CSMD1: variants seen among roughly 807,000 people sequenced by gnomAD.
CSMD1 encodes the protein CUB and sushi domain-containing protein 1.
CSMD1 carries 213 observed loss-of-function variants against 417.5 expected under a neutral mutation model. The ratio of observed to expected loss-of-function variants is 0.51; its 90% CI spans 0.46 to 0.57. The LOEUF (loss-of-function observed/expected upper bound fraction) is 0.57. Among genes scored for constraint, CSMD1 ranks in the 20% least tolerant of loss-of-function variants. The pLI is 0.00. For synonymous variants in CSMD1, 2,862 were observed against 1,736.8 expected, an observed-to-expected ratio of 1.65 and a Z score of -16.11; for missense variants, 6,923 against 4,529.7, an observed-to-expected ratio of 1.53 and a Z score of -15.17.
At chr8:4,299,025 G>T (rs562768142) in intron 3 of CSMD1, among the ~76,000 whole-genome samples, 1 of 151,948 alleles carries the variant, frequency 6.6e-6, no homozygotes, top group South Asian at 2.1e-4. Context: ...TTAAAAAGCA[G>T]AATAAAAGAA....
At chr8:4,863,842 T>C (rs930627203) in intron 1 of CSMD1, among the ~76,000 whole-genome samples, 8 of 152,106 alleles carry the variant, frequency 5.3e-5, no homozygotes, top group Non-Finnish European at 8.8e-5. Context: ...AATGAAATTT[T>C]TTATACTTTT....
At chr8:4,693,586 G>C (rs1244643439) in intron 1 of CSMD1, among the ~76,000 whole-genome samples, 2 of 152,196 alleles carry the variant, frequency 1.3e-5, no homozygotes, top group East Asian at 1.9e-4. Context: ...ATTAGGCAGA[G>C]TGGTATTGAG....
chr8:4,024,261 G>C lies in CSMD1; in HGVS notation c.610+7644C>G, dbSNP rs755687355. Reference sequence around the variant, plus strand: ...ATACTCATATCAAGGTGTCAATTGAGAAAGTTCACAACGGATAAAGCATGA... The same window carrying C: ...ATACTCATATCAAGGTGTCAATTGACAAAGTTCACAACGGATAAAGCATGA... On this transcript the variant is annotated intron_variant, in intron 4 of 69. Transcript: ENST00000635120. 2.3e-4 allele frequency among the ~76,000 whole-genome samples: 35 copies of C among 152,134 alleles called. 1 individual carries two copies. Among genetic ancestry groups the C allele is most frequent in the African/African-American group, 8.4e-4 (35 of 41,426 alleles).
intron 3 of CSMD1, among the ~76,000 whole-genome samples, chr8:4,287,790 C>G (rs1391939147): frequency 6.6e-6 from 1 of 151,924 alleles, no homozygotes; most frequent in Non-Finnish European, 1.5e-5. Flanking sequence ...TGGACTCATA[C>G]TATCTCTCCT....
At chr8:4,268,323 G>A (rs903001972) in intron 3 of CSMD1, among the ~76,000 whole-genome samples, 1 of 152,074 alleles carries the variant, frequency 6.6e-6, no homozygotes, top group African/African-American at 2.4e-5. Context: ...ATTATGACCT[G>A]AATATTAATT....
chr8:4,579,419 C>G (rs1029350884), intron 2 of CSMD1, among the ~76,000 whole-genome samples: 1 of 151,914 alleles, frequency 6.6e-6, no homozygotes, highest in African/African-American at 2.4e-5. Context: ...TGTACAATGG[C>G]GTGATCTCAG....
At chr8:3,196,546 T>A (rs1019520853) in intron 33 of CSMD1, among the ~76,000 whole-genome samples, 2 of 152,204 alleles carry the variant, frequency 1.3e-5, no homozygotes, top group African/African-American at 4.8e-5. Flanking sequence ...GATACTCTTA[T>A]ACTTCAGGAG....
At chr8:3,225,087 A>G (rs117534286) in intron 27 of CSMD1, among the ~76,000 whole-genome samples, 3 of 152,228 alleles carry the variant, frequency 2.0e-5, no homozygotes, top group Non-Finnish European at 4.4e-5. Flanking sequence ...TTTTTCCCCT[A>G]TACAAAAAGA....
intron 5 of CSMD1, among the ~76,000 whole-genome samples, chr8:3,821,112 T>C (rs906091632): frequency 6.6e-6 from 1 of 151,958 alleles, no homozygotes; most frequent in East Asian, 1.9e-4. Context: ...GAAATGGAGT[T>C]TCACCATGTA....
intron 1 of CSMD1, among the ~76,000 whole-genome samples, chr8:4,874,458 C>T (rs1010691807): frequency 1.4e-5 from 2 of 147,578 alleles, no homozygotes; most frequent in Admixed American, 6.9e-5. Flanking sequence ...GTTCCATTCT[C>T]GACTCACTGC....
At chr8:4,155,293 A>C (rs575095492) in intron 3 of CSMD1, among the ~76,000 whole-genome samples, 1 of 152,318 alleles carries the variant, frequency 6.6e-6, no homozygotes, top group African/African-American at 2.4e-5. Context: ...GGGGTGGAGC[A>C]GCAAGATCAG....
At position 3,949,392 on chromosome 8, in the gene CSMD1, C is replaced by A. The variant is rs571085273; in HGVS notation, c.818+48511G>T. Reference sequence around the variant, plus strand: ...GTCCCTGGAAACAACCACTTTACTTCTCAGACTATTCTAACTATCACATGG... The same window carrying A: ...GTCCCTGGAAACAACCACTTTACTTATCAGACTATTCTAACTATCACATGG... On this transcript the variant is annotated intron_variant, in intron 5 of 69. Coordinates refer to ENST00000635120, the MANE Select transcript of CSMD1 (RefSeq NM_033225.6). 9.9e-5 allele frequency among the ~76,000 whole-genome samples: 15 copies of A among 152,284 alleles called. No individual in the cohort carries two copies. The South Asian group carries it at 3.1e-3, about 32-fold the overall frequency.
At chr8:3,195,648 G>A (rs980115947) in intron 33 of CSMD1, among the ~76,000 whole-genome samples, 1 of 152,110 alleles carries the variant, frequency 6.6e-6, no homozygotes. Context: ...CCTGCTTGAT[G>A]GTACAAGACC....
chr8:3,267,919 C>G (rs558227205), intron 26 of CSMD1, among the ~76,000 whole-genome samples: 1 of 152,218 alleles, frequency 6.6e-6, no homozygotes, highest in South Asian at 2.1e-4. Context: ...CAAAGGGCAG[C>G]AGAGGGCAGA....
At chr8:4,240,515 G>A (rs1433583778) in intron 3 of CSMD1, among the ~76,000 whole-genome samples, 1 of 152,156 alleles carries the variant, frequency 6.6e-6, no homozygotes, top group Non-Finnish European at 1.5e-5. Context: ...CAAGAATCTG[G>A]AAACTAACCT....
intron 26 of CSMD1, among the ~76,000 whole-genome samples, chr8:3,242,991 T>C (rs781052595): frequency 2.0e-4 from 30 of 152,124 alleles, no homozygotes; most frequent in Non-Finnish European, 4.0e-4. Context: ...CCTTCCGTAG[T>C]CCGTGACCAG....
intron 4 of CSMD1, among the ~76,000 whole-genome samples, chr8:4,019,168 G>T (rs1228128290): frequency 6.6e-6 from 1 of 152,184 alleles, no homozygotes; most frequent in Admixed American, 6.5e-5. Flanking sequence ...AACACAAAAA[G>T]CAGCTCAACA....
intron 2 of CSMD1, among the ~76,000 whole-genome samples, chr8:4,460,134 T>C (rs1373497111): frequency 6.6e-6 from 1 of 152,150 alleles, no homozygotes; most frequent in African/African-American, 2.4e-5. Context: ...TTTCAGTTTA[T>C]TTAAAATGAG....
chr8:4,824,046 A>C (rs1165872400), intron 1 of CSMD1, among the ~76,000 whole-genome samples: 2 of 151,350 alleles, frequency 1.3e-5, no homozygotes, highest in Non-Finnish European at 2.9e-5. Context: ...ATGCACCCAC[A>C]CATGCACACA....
Sources: allele counts gnomAD v4.1 joint callset (sites outside exome capture counted in the v4.1 genomes callset), GRCh38; gene constraint gnomAD v4.1.1; transcripts MANE v1.5; gene names NCBI Gene and HGNC (gene_info 2026-07-23, HGNC 2026-07-21).